The following ASPRV1 variants were observed in gnomAD, a reference collection of about 807,000 sequenced individuals.
The protein encoded by ASPRV1 is aspartic peptidase retroviral like 1, also known as retroviral-like aspartic protease 1.
Under a neutral mutation model 11.0 loss-of-function variants are expected in ASPRV1, and 7 were observed. That is an observed-to-expected ratio of 0.64 (90% CI 0.36 to 1.20). The LOEUF (loss-of-function observed/expected upper bound fraction) is 1.20. ASPRV1 is among the 50% of genes most tolerant of loss of function. The pLI, the probability that ASPRV1 is intolerant of heterozygous loss-of-function variation, is 0.02. For synonymous variants in ASPRV1, 136 were observed against 138.4 expected (o/e 0.98, Z 0.12); for missense variants, 299 against 320.0 (o/e 0.93, Z 0.50).
chr2:70,021,207 T>A, the ASPRV1 span, among the ~76,000 whole-genome samples: 54 of 152,206 alleles, frequency 3.5e-4, no homozygotes, highest in Non-Finnish European at 1.9e-4. Context: ...TTTAGGTTTA[T>A]CCATGTTGTC....
the ASPRV1 span, among the ~76,000 whole-genome samples, chr2:70,025,029 A>G: frequency 1.3e-5 from 2 of 152,222 alleles, no homozygotes; most frequent in Non-Finnish European, 2.9e-5. Flanking sequence ...ACATATATAA[A>G]CACTATTGTG....
chr2:69,971,641 T>C, the ASPRV1 span, among the ~76,000 whole-genome samples: 1 of 152,130 alleles, frequency 6.6e-6, no homozygotes, highest in Non-Finnish European at 1.5e-5. Flanking sequence ...CAGTGCGGGG[T>C]GCTAAGAGCA....
chr2:70,075,958 C>T, the ASPRV1 span, among the ~76,000 whole-genome samples: 1 of 152,130 alleles, frequency 6.6e-6, no homozygotes, highest in Non-Finnish European at 1.5e-5. Flanking sequence ...GCCGGACAAG[C>T]TCTTACTTAT....
the ASPRV1 span, chr2:69,942,535 G>T: frequency 2.6e-5 from 4 of 152,156 alleles, no homozygotes; most frequent in African/African-American, 9.7e-5. Flanking sequence ...GATTTATCCA[G>T]ATTTTTACAT....
chr2:69,980,901 G>C, the ASPRV1 span, among the ~76,000 whole-genome samples: 1 of 152,068 alleles, frequency 6.6e-6, no homozygotes, highest in Non-Finnish European at 1.5e-5. Flanking sequence ...TCAGCCTCCC[G>C]AGTAGCTGGG....
In ASPRV1 at chr2:69,960,313, T is replaced by G. The variant is rs1678037721; in HGVS notation, c.*344A>C. The stretch of plus-strand genomic sequence containing the variant: ...GACCTGAGAGTGACCAAGCCATACC[T>G]CAGGGAATCTGAAGGGGTCCCACAG... On this transcript the variant is annotated 3_prime_UTR_variant, in exon 1 of 1. Transcript: ENST00000320256. 2 of 259,432 alleles carry G rather than the reference T, an allele frequency of 7.7e-6. No homozygotes were observed. Among genetic ancestry groups the G allele is most frequent in the East Asian group, 1.6e-4 (2 of 12,552 alleles). 16.1% of individuals were successfully genotyped at this position (259,432 alleles called of 1,614,324 possible). A position where few individuals can be genotyped will look rare whatever the true frequency, so the allele number is the denominator to read the frequency against.
rs1227049331 is a variant in ASPRV1, at chr2:69,960,193, G to C, written c.*464C>G. 1 of 162,852 alleles carries C rather than the reference G, an allele frequency of 6.1e-6. No individual in the cohort carries two copies. Among genetic ancestry groups the C allele is most frequent in the Non-Finnish European group, 1.3e-5 (1 of 74,338 alleles). The allele number at this position is 162,852 out of a possible 1,614,324, so 10.1% of individuals were successfully genotyped here. ...GACAGAAAGAAAATACGATTGTACA[G>C]GTGGAAAGGCTCTTCAGGGAGGTGT... On this transcript the variant is annotated 3_prime_UTR_variant, in exon 1 of 1. Transcript: ENST00000320256.
the ASPRV1 span, among the ~76,000 whole-genome samples, chr2:70,066,402 C>T: frequency 6.6e-6 from 1 of 151,592 alleles, no homozygotes. Flanking sequence ...CCACGCCCAG[C>T]TAATTTTTGT....
the ASPRV1 span, among the ~76,000 whole-genome samples, chr2:69,948,193 A>C: frequency 1.3e-5 from 2 of 152,086 alleles, no homozygotes; most frequent in African/African-American, 4.8e-5. Context: ...GGCTGCAGTG[A>C]GTCACGATTG....
At chr2:70,049,039 T>A in the ASPRV1 span, 4 of 150,348 alleles carry the variant, frequency 2.7e-5, no homozygotes, top group African/African-American at 4.9e-5. Flanking sequence ...TTTTTTTTTT[T>A]ATTTTATTAT....
chr2:70,002,560 A>G, the ASPRV1 span, among the ~76,000 whole-genome samples: 110 of 152,290 alleles, frequency 7.2e-4, no homozygotes, highest in Non-Finnish European at 1.2e-3. Flanking sequence ...GAAGATGCCT[A>G]TTGTCCTGCT....
chr2:70,083,241 A>G, the ASPRV1 span, among the ~76,000 whole-genome samples: 1 of 152,348 alleles, frequency 6.6e-6, no homozygotes, highest in Admixed American at 6.5e-5. Context: ...TCCATAACTA[A>G]GAGTCAAGAG....
At chr2:70,020,357 T>C in the ASPRV1 span, among the ~76,000 whole-genome samples, 1 of 152,196 alleles carries the variant, frequency 6.6e-6, no homozygotes, top group East Asian at 1.9e-4. Context: ...CTATCAGTGA[T>C]GAATGGATGG....
chr2:70,078,930 G>A, the ASPRV1 span, among the ~76,000 whole-genome samples: 1 of 152,210 alleles, frequency 6.6e-6, no homozygotes, highest in East Asian at 1.9e-4. Flanking sequence ...AGCAGGGCAG[G>A]TGGTGGGAAG....
At chr2:70,052,635 A>C in the ASPRV1 span, among the ~76,000 whole-genome samples, 1 of 152,196 alleles carries the variant, frequency 6.6e-6, no homozygotes, top group African/African-American at 2.4e-5. Flanking sequence ...CAAGTTCTTT[A>C]TTTCTCTAAT....
chr2:69,960,544 A>C lies in ASPRV1; in HGVS notation c.*113T>G. 14 of 1,143,280 alleles carry C rather than the reference A, an allele frequency of 1.2e-5. No homozygotes were observed. Among genetic ancestry groups the C allele is most frequent in the East Asian group, 2.4e-5 (1 of 42,080 alleles). The allele number at this position is 1,143,280 out of a possible 1,614,324, so 70.8% of individuals were successfully genotyped here. ...GGGAGGCAAAGGGGAGAGAAGAGCA[A>C]GAGTTGATAAGCAGACTGGCCAAGC... On this transcript the variant is annotated 3_prime_UTR_variant, in exon 1 of 1. Transcript: ENST00000320256.
At chr2:70,047,186 T>TGGAGTTCAGTTTAGTGAGAGTG in the ASPRV1 span, among the ~76,000 whole-genome samples, 2 of 152,200 alleles carry the variant, frequency 1.3e-5, no homozygotes, top group African/African-American at 4.8e-5. Flanking sequence ...ATGTGGTTCC[T>TGGAGTTCAGTTTAGTGAGAGTG]GGAGTTCAGT....
At chr2:70,003,719 CG>C in the ASPRV1 span, among the ~76,000 whole-genome samples, 24 of 152,324 alleles carry the variant, frequency 1.6e-4, no homozygotes, top group Non-Finnish European at 2.6e-4. Flanking sequence ...GGTTGTGCTG[CG>C]GTTTCAATGT....
the ASPRV1 span, among the ~76,000 whole-genome samples, chr2:70,041,574 T>A: frequency 6.6e-6 from 1 of 152,194 alleles, no homozygotes; most frequent in East Asian, 1.9e-4. Context: ...ATGAGCTACA[T>A]CCCATCTGGC....
Sources: allele counts gnomAD v4.1 joint callset (sites outside exome capture counted in the v4.1 genomes callset), GRCh38; gene constraint gnomAD v4.1.1; transcripts MANE v1.5; gene names NCBI Gene and HGNC (gene_info 2026-07-23, HGNC 2026-07-21).